Variants in AP2B1 observed in about 807,000 individuals in gnomAD.
AP2B1 encodes the protein adaptor related protein complex 2 subunit beta 1, also known as AP-2 complex subunit beta.
In AP2B1, 23 loss-of-function variants were observed where a neutral mutation model predicts 102.0. The ratio of observed to expected loss-of-function variants is 0.23; its 90% CI spans 0.16 to 0.32. The LOEUF is 0.32. Ranked by LOEUF, AP2B1 falls within the 10% of genes least tolerant of loss-of-function variation. The pLI, the probability that AP2B1 is intolerant of heterozygous loss-of-function variation, is 1.00. For missense variants in AP2B1, 541 were observed against 1,157.4 expected (o/e 0.47, Z 7.73); for synonymous variants, 381 against 421.2 (o/e 0.90, Z 1.17).
At chr17:35,606,506 C>G (rs893240626) in intron 4 of AP2B1, among the ~76,000 whole-genome samples, 8 of 152,102 alleles carry the variant, frequency 5.3e-5, no homozygotes, top group African/African-American at 1.9e-4. Flanking sequence ...TCACAAAGTG[C>G]TGGGGTTACG....
intron 14 of AP2B1, among the ~76,000 whole-genome samples, chr17:35,658,948 A>T (rs1281157053): frequency 6.6e-6 from 1 of 152,234 alleles, no homozygotes; most frequent in African/African-American, 2.4e-5. Flanking sequence ...TCTAGAATTT[A>T]TACATTGACC....
At chr17:35,712,374 A>G (rs904867499) in intron 20 of AP2B1, among the ~76,000 whole-genome samples, 1 of 152,188 alleles carries the variant, frequency 6.6e-6, no homozygotes, top group Admixed American at 6.5e-5. Context: ...CATGCCTGTA[A>G]TCCCAGCACT....
intron 12 of AP2B1, among the ~76,000 whole-genome samples, chr17:35,645,004 G>A (rs2074887678): frequency 6.6e-6 from 1 of 151,512 alleles, no homozygotes; most frequent in Admixed American, 6.6e-5. Flanking sequence ...TGCACTCCAG[G>A]CTGGGTAATA....
chr17:35,671,999 G>A (rs2075599607), intron 16 of AP2B1, 99 bp downstream of exon 16: 1 of 1,392,838 alleles, frequency 7.2e-7, no homozygotes, highest in Non-Finnish European at 9.8e-7. Context: ...ATAAATCAAA[G>A]GTTTGGGCCC....
chr17:35,676,542 T>A (rs1241357330), intron 17 of AP2B1, among the ~76,000 whole-genome samples: 1 of 152,236 alleles, frequency 6.6e-6, no homozygotes, highest in Non-Finnish European at 1.5e-5. Context: ...GTTTTCAGTT[T>A]CATCTTTATG....
intron 5 of AP2B1, among the ~76,000 whole-genome samples, chr17:35,611,432 G>T (rs2073860265): frequency 2.0e-5 from 3 of 152,168 alleles, no homozygotes; most frequent in African/African-American, 4.8e-5. Context: ...GATGGTCAGG[G>T]ATAAGGCCTA....
intron 5 of AP2B1, among the ~76,000 whole-genome samples, chr17:35,611,522 A>G (rs946380913): frequency 2.6e-5 from 4 of 152,214 alleles, no homozygotes; most frequent in Non-Finnish European, 5.9e-5. Flanking sequence ...TAGCACATTT[A>G]GAGATCTTTA....
chr17:35,618,471 T>C (rs562996649), intron 5 of AP2B1, among the ~76,000 whole-genome samples: 19 of 152,350 alleles, frequency 1.2e-4, no homozygotes, highest in Admixed American at 9.1e-4. Flanking sequence ...GTTCATAGTG[T>C]GTGACCTTGA....
intron 20 of AP2B1, among the ~76,000 whole-genome samples, chr17:35,714,826 G>A (rs143447227): frequency 1.3e-5 from 2 of 152,172 alleles, no homozygotes; most frequent in African/African-American, 2.4e-5. Context: ...AGTGTCTTAT[G>A]CCTCAGATGA....
rs587711329 is a variant in AP2B1 at position 35,689,396 on chromosome 17, T to C, written c.2454+6572T>C. ...GGTTTCACCATGTTGGCCAGGCTGG[T>C]CTCGGATTCCTGACCTTGGGTGATC... is the stretch of plus-strand genomic sequence containing the variant. On this transcript the variant is annotated intron_variant, in intron 18 of 21. Transcript: ENST00000610402. Among the ~76,000 whole-genome samples, 346 of 152,288 alleles carry C rather than the reference T, an allele frequency of 2.3e-3. 1 individual carries two copies. Among genetic ancestry groups the C allele is most frequent in the African/African-American group, 7.8e-3 (325 of 41,562 alleles).
At chr17:35,662,927 A>G (rs1316549961) in intron 14 of AP2B1, among the ~76,000 whole-genome samples, 1 of 152,208 alleles carries the variant, frequency 6.6e-6, no homozygotes, top group Non-Finnish European at 1.5e-5. Flanking sequence ...ATCCTGGAGA[A>G]ATATGCTGTG....
At chr17:35,673,042 A>G (rs1257590817) in intron 16 of AP2B1, among the ~76,000 whole-genome samples, 4 of 152,046 alleles carry the variant, frequency 2.6e-5, no homozygotes, top group South Asian at 4.2e-4. Context: ...GATACACCAT[A>G]ATTTATTTAA....
chr17:35,637,990 C>T (rs1428493596), intron 10 of AP2B1, among the ~76,000 whole-genome samples: 1 of 151,712 alleles, frequency 6.6e-6, no homozygotes, highest in Non-Finnish European at 1.5e-5. Flanking sequence ...CCAGCCTAAA[C>T]TTTTTTTAAT....
chr17:35,619,583 T>G (rs1361269389), intron 5 of AP2B1, among the ~76,000 whole-genome samples: 1 of 152,190 alleles, frequency 6.6e-6, no homozygotes, highest in Non-Finnish European at 1.5e-5. Context: ...TGTCTAGGAT[T>G]GAGTATGATT....
chr17:35,616,038 C>G (rs993580391), intron 5 of AP2B1, among the ~76,000 whole-genome samples: 1 of 149,212 alleles, frequency 6.7e-6, no homozygotes, highest in Admixed American at 6.7e-5. Context: ...TTTTGTTTTC[C>G]TTTTATAATG....
At chr17:35,708,439 T>TA (rs151103321) in intron 18 of AP2B1, among the ~76,000 whole-genome samples, 1,726 of 143,122 alleles carry the variant, frequency 0.012, 23 homozygotes, top group African/African-American at 0.039. Flanking sequence ...ACTGTAGCTT[T>TA]AAAAAAAAAA....
Position 35,605,726 on chromosome 17 carries a change from G to T in AP2B1, c.165G>T (p.Val55=). Residue 55 remains valine, a synonymous_variant, in exon 4 of 22, where the codon GTG becomes GTT. Transcript: ENST00000610402. ...KDVSSLFPDV[V]NCMQTDNLEL... is the part of the protein sequence containing the mutation. ...TCAGTTCTCTCTTTCCAGACGTAGT[G>T]AACTGTATGCAGACTGACAATCTGG... 6.2e-7 allele frequency: 1 copy of T among 1,613,168 alleles called. No homozygotes were observed. The highest frequency in any genetic ancestry group is 8.5e-7 in the Non-Finnish European group (1 of 1,179,554).
chr17:35,618,602 T>C (rs1042550357), intron 5 of AP2B1, among the ~76,000 whole-genome samples: 1 of 152,082 alleles, frequency 6.6e-6, no homozygotes, highest in African/African-American at 2.4e-5. Context: ...GAAATTAGAG[T>C]GCAAGGTGAA....
intron 18 of AP2B1, among the ~76,000 whole-genome samples, chr17:35,708,476 A>G (rs2076387727): frequency 1.3e-5 from 2 of 152,192 alleles, no homozygotes; most frequent in South Asian, 4.1e-4. Context: ...GCTCTGAATT[A>G]AGCAGGCTAT....
Sources: allele counts gnomAD v4.1 joint callset (sites outside exome capture counted in the v4.1 genomes callset), GRCh38; gene constraint gnomAD v4.1.1; transcripts MANE v1.5; gene names NCBI Gene and HGNC (gene_info 2026-07-23, HGNC 2026-07-21).